PPP2R2C: variants seen among roughly 807,000 people sequenced by gnomAD.
PPP2R2C encodes protein phosphatase 2 regulatory subunit Bgamma, also known as protein phosphatase 2, regulatory subunit B, gamma.
PPP2R2C carries 10 observed loss-of-function variants against 45.3 expected under a neutral mutation model. The observed-to-expected ratio is 0.22, with a 90% confidence interval of 0.14 to 0.37. The LOEUF (loss-of-function observed/expected upper bound fraction) is 0.37. PPP2R2C is among the 10% of genes least tolerant of loss of function. The pLI, the probability that PPP2R2C is intolerant of heterozygous loss-of-function variation, is 1.00. For synonymous variants in PPP2R2C, 257 were observed against 245.4 expected (o/e 1.05, Z -0.44); for missense variants, 308 against 619.7 (o/e 0.50, Z 5.34).
intron 1 of PPP2R2C, among the ~76,000 whole-genome samples, chr4:6,555,214 C>T (rs1725355130): frequency 6.6e-6 from 1 of 152,132 alleles, no homozygotes; most frequent in Non-Finnish European, 1.5e-5. Context: ...AAAGCCCCAC[C>T]CTCAATACTC....
intron 1 of PPP2R2C, among the ~76,000 whole-genome samples, chr4:6,419,197 C>A (rs1300895008): frequency 6.6e-6 from 1 of 152,208 alleles, no homozygotes; most frequent in Non-Finnish European, 1.5e-5. Flanking sequence ...GCAGGCGGAT[C>A]ACCTGAGGTA....
intron 2 of PPP2R2C, among the ~76,000 whole-genome samples, chr4:6,498,676 G>C (rs867784057): frequency 6.6e-6 from 1 of 152,098 alleles, no homozygotes; most frequent in East Asian, 1.9e-4. Flanking sequence ...GCACGGTGAC[G>C]TTGGGGAGCA....
chr4:6,462,736 C>T (rs1020654262), intron 1 of PPP2R2C, among the ~76,000 whole-genome samples: 5 of 152,144 alleles, frequency 3.3e-5, no homozygotes, highest in African/African-American at 1.2e-4. Context: ...CACTGGGCTA[C>T]AAGAAATGCC....
At chr4:6,510,990 C>CAAAAAAAAAAAAAA (rs1389589810) in intron 2 of PPP2R2C, among the ~76,000 whole-genome samples, 1 of 130,906 alleles carries the variant, frequency 7.6e-6, no homozygotes, top group East Asian at 2.2e-4. Flanking sequence ...CAAAAAAAAA[C>CAAAAAAAAAAAAAA]AAACAAACAA....
chr4:6,360,798 T>A (rs536596040), intron 5 of PPP2R2C, among the ~76,000 whole-genome samples: 1 of 152,332 alleles, frequency 6.6e-6, no homozygotes, highest in South Asian at 2.1e-4. Context: ...TTAAACAGTA[T>A]GTGTTTCTCA....
At chr4:6,381,702 C>G in intron 1 of PPP2R2C, 3 of 1,551,278 alleles carry the variant, frequency 1.9e-6, no homozygotes, top group Non-Finnish European at 2.6e-6. Context: ...CCTGCCCTGA[C>G]CCTCCCTGCA....
chr4:6,415,161 C>A (rs1014739353), intron 1 of PPP2R2C, among the ~76,000 whole-genome samples: 1 of 152,240 alleles, frequency 6.6e-6, no homozygotes, highest in African/African-American at 2.4e-5. Flanking sequence ...CCAGGGCCTT[C>A]TCTCTTGGAG....
chr4:6,360,647 A>G (rs1465598308), intron 5 of PPP2R2C, among the ~76,000 whole-genome samples: 1 of 152,222 alleles, frequency 6.6e-6, no homozygotes, highest in African/African-American at 2.4e-5. Flanking sequence ...CATGGAGTTC[A>G]TCTTGAAAAA....
chr4:6,551,001 AT>A, intron 1 of PPP2R2C, among the ~76,000 whole-genome samples: 1 of 152,244 alleles, frequency 6.6e-6, no homozygotes, highest in South Asian at 2.1e-4. Flanking sequence ...CTGGAGGTCA[AT>A]TGCCATACCT....
intron 2 of PPP2R2C, among the ~76,000 whole-genome samples, chr4:6,485,716 C>T (rs13111231): frequency 0.12 from 18,459 of 151,764 alleles, 1,306 homozygotes; most frequent in Non-Finnish European, 0.17. Flanking sequence ...ATACTAATGT[C>T]ACCTTCTCAT....
At chr4:6,554,780 A>G (rs1423840132) in intron 1 of PPP2R2C, among the ~76,000 whole-genome samples, 5 of 151,504 alleles carry the variant, frequency 3.3e-5, no homozygotes, top group Non-Finnish European at 7.4e-5. Flanking sequence ...GAATCGCTTG[A>G]ACCCAGGAAG....
chr4:6,357,131 C>T (rs765732193), intron 5 of PPP2R2C, among the ~76,000 whole-genome samples: 12 of 147,858 alleles, frequency 8.1e-5, no homozygotes, highest in Non-Finnish European at 1.8e-4. Flanking sequence ...CTTTCATCTG[C>T]TGTGGCACCT....
At chr4:6,494,935 T>C (rs559908541) in intron 2 of PPP2R2C, among the ~76,000 whole-genome samples, 77 of 152,348 alleles carry the variant, frequency 5.1e-4, no homozygotes, top group Non-Finnish European at 8.8e-4. Flanking sequence ...GGTGGTGGCC[T>C]GGCCCAGGAA....
intron 2 of PPP2R2C, among the ~76,000 whole-genome samples, chr4:6,520,376 A>T (rs1723979189): frequency 6.9e-6 from 1 of 144,090 alleles, no homozygotes; most frequent in African/African-American, 2.7e-5. Flanking sequence ...GTCCCCGAGC[A>T]GCTCACTGTC....
chr4:6,460,455 G>T (rs753670396), intron 1 of PPP2R2C, among the ~76,000 whole-genome samples: 20 of 152,150 alleles, frequency 1.3e-4, no homozygotes, highest in Non-Finnish European at 2.6e-4. Flanking sequence ...AGTCTCTGTT[G>T]TTTCAACTGC....
intron 1 of PPP2R2C, among the ~76,000 whole-genome samples, chr4:6,410,655 C>G (rs1183014678): frequency 6.6e-6 from 1 of 152,020 alleles, no homozygotes; most frequent in Admixed American, 6.6e-5. Flanking sequence ...CGTGAAGCAA[C>G]TGCATACACC....
At chr4:6,346,181 C>G (rs1711898469) in intron 6 of PPP2R2C, among the ~76,000 whole-genome samples, 1 of 152,228 alleles carries the variant, frequency 6.6e-6, no homozygotes, top group African/African-American at 2.4e-5. Flanking sequence ...GCAGCGACCT[C>G]TGACGCCTGC....
intron 2 of PPP2R2C, among the ~76,000 whole-genome samples, chr4:6,526,840 C>T (rs1724223801): frequency 6.6e-6 from 1 of 152,322 alleles, no homozygotes; most frequent in East Asian, 1.9e-4. Flanking sequence ...CTCAACACCT[C>T]CCCACCAGCC....
chr4:6,535,366 T>C, exon 2 of PPP2R2C: 1 of 1,522,590 alleles, frequency 6.6e-7, no homozygotes, highest in African/African-American at 1.4e-5. Flanking sequence ...AGGTCTTCTT[T>C]CTATTTTACT....
Sources: gnomAD v4.1 joint callset for allele counts (sites outside exome capture counted in the v4.1 genomes callset) on GRCh38, gnomAD v4.1.1 for gene constraint, MANE v1.5 for transcripts, NCBI Gene and HGNC (gene_info 2026-07-23, HGNC 2026-07-21) for gene names.